Variants in VWC2 observed in about 807,000 individuals in gnomAD.
VWC2 encodes the protein von Willebrand factor C domain containing 2, also known as brorin.
In VWC2, 14 loss-of-function variants were observed where a neutral mutation model predicts 29.8. The observed-to-expected ratio is 0.47, with a 90% CI of 0.31 to 0.74. VWC2 has a LOEUF of 0.74. Ranked by LOEUF, VWC2 falls within the 30% of genes least tolerant of loss-of-function variation. The pLI, the probability that VWC2 is intolerant of heterozygous loss-of-function variation, is 0.05. For synonymous variants in VWC2, 213 were observed against 199.0 expected (o/e 1.07, Z -0.59); for missense variants, 457 against 459.8 (o/e 0.99, Z 0.05).
rs1364130388 is a variant in VWC2, at chr7:49,921,803, AT to A, written c.*9621del. 6.6e-6 allele frequency: 1 copy of A among 152,094 alleles called. No individual in the cohort carries two copies. Among genetic ancestry groups the A allele is most frequent in the Non-Finnish European group, 1.5e-5 (1 of 67,986 alleles). 9.4% of individuals were successfully genotyped at this position (152,094 alleles called of 1,614,324 possible). A position where few individuals can be genotyped will look rare whatever the true frequency, so the allele number is the denominator to read the frequency against. On this transcript the variant is annotated 3_prime_UTR_variant, in exon 4 of 4. Transcript: ENST00000340652. Reference sequence around the variant, plus strand: ...TAATTTATATCTTAGTTTTTATCCCATTTATATATATATTTACCAGAAAAAT... The same window carrying A: ...TAATTTATATCTTAGTTTTTATCCCATTATATATATATTTACCAGAAAAAT...
chr7:49,869,783 C>T (rs954706299), intron 3 of VWC2, among the ~76,000 whole-genome samples: 2 of 152,038 alleles, frequency 1.3e-5, no homozygotes, highest in Non-Finnish European at 2.9e-5. Flanking sequence ...TGGATGTGCA[C>T]GGCCACAAAC....
intron 3 of VWC2, among the ~76,000 whole-genome samples, chr7:49,837,024 TTTAAC>T (rs1789681165): frequency 6.6e-6 from 1 of 152,204 alleles, no homozygotes; most frequent in African/African-American, 2.4e-5. Flanking sequence ...GTCTTTGAAG[TTTAAC>T]TTATTTGATT....
chr7:49,881,529 T>A, intron 3 of VWC2, among the ~76,000 whole-genome samples: 1 of 152,176 alleles, frequency 6.6e-6, no homozygotes, highest in East Asian at 1.9e-4. Context: ...TTATTTGGGT[T>A]GAAACTAATC....
At chr7:49,785,792 T>C (rs915969832) in intron 2 of VWC2, among the ~76,000 whole-genome samples, 1 of 152,174 alleles carries the variant, frequency 6.6e-6, no homozygotes, top group Non-Finnish European at 1.5e-5. Context: ...GGAATGAGCC[T>C]AAAGAAAGAT....
intron 3 of VWC2, among the ~76,000 whole-genome samples, chr7:49,894,951 G>A (rs1205226646): frequency 6.6e-6 from 1 of 152,174 alleles, no homozygotes; most frequent in African/African-American, 2.4e-5. Context: ...TTTAAGGGAT[G>A]GAAGATGGCT....
At chr7:49,908,764 T>A (rs1180274136) in intron 3 of VWC2, among the ~76,000 whole-genome samples, 2 of 152,138 alleles carry the variant, frequency 1.3e-5, no homozygotes, top group African/African-American at 4.8e-5. Flanking sequence ...AAGCTTTTAG[T>A]GATTAAAGGA....
At chr7:49,866,759 G>T (rs1790909025) in intron 3 of VWC2, among the ~76,000 whole-genome samples, 1 of 152,190 alleles carries the variant, frequency 6.6e-6, no homozygotes, top group Admixed American at 6.5e-5. Context: ...TGGGTAGGCT[G>T]GAATTCTACA....
At chr7:49,906,356 A>AC (rs1718744183) in intron 3 of VWC2, among the ~76,000 whole-genome samples, 1 of 152,024 alleles carries the variant, frequency 6.6e-6, no homozygotes, top group African/African-American at 2.4e-5. Flanking sequence ...TTTTTTTGAG[A>AC]CAGAGTCTTG....
intron 3 of VWC2, among the ~76,000 whole-genome samples, chr7:49,824,186 T>G (rs1789337201): frequency 1.3e-5 from 2 of 152,202 alleles, no homozygotes; most frequent in South Asian, 4.1e-4. Flanking sequence ...TAATCCAAGG[T>G]CACAAGTTTC....
intron 3 of VWC2, among the ~76,000 whole-genome samples, chr7:49,852,944 G>A (rs903208509): frequency 2.0e-5 from 3 of 152,136 alleles, no homozygotes; most frequent in South Asian, 4.1e-4. Context: ...GAGAAGTTAG[G>A]CCTCCAAACA....
intron 3 of VWC2, among the ~76,000 whole-genome samples, chr7:49,889,412 G>A (rs193037873): frequency 6.6e-6 from 1 of 152,298 alleles, no homozygotes; most frequent in East Asian, 1.9e-4. Context: ...CCACATACTT[G>A]AAATTGTTAT....
chr7:49,800,937 T>C (rs922543554), intron 2 of VWC2, among the ~76,000 whole-genome samples: 6 of 151,642 alleles, frequency 4.0e-5, no homozygotes, highest in Non-Finnish European at 7.4e-5. Context: ...TACTTCAAGA[T>C]TGATTTTAAC....
At chr7:49,895,357 A>C (rs1183012602) in intron 3 of VWC2, among the ~76,000 whole-genome samples, 1 of 152,220 alleles carries the variant, frequency 6.6e-6, no homozygotes, top group Non-Finnish European at 1.5e-5. Flanking sequence ...GTTTCAATGT[A>C]CGAATTCCAG....
At chr7:49,888,179 T>TA (rs1791978825) in intron 3 of VWC2, among the ~76,000 whole-genome samples, 1 of 152,206 alleles carries the variant, frequency 6.6e-6, no homozygotes, top group Non-Finnish European at 1.5e-5. Context: ...CTGGACCTTT[T>TA]AAAAAATTTT....
At chr7:49,859,800 A>G (rs748594759) in intron 3 of VWC2, among the ~76,000 whole-genome samples, 11,498 of 129,068 alleles carry the variant, frequency 0.089, 482 homozygotes, top group African/African-American at 0.11. Flanking sequence ...GCACACACAC[A>G]CACACACACA....
chr7:49,915,500 T>A lies in VWC2; in HGVS notation c.*3315T>A, dbSNP rs764178399. 1.3e-5 allele frequency: 2 copies of A among 152,200 alleles called. No homozygotes were observed. Among genetic ancestry groups the A allele is most frequent in the Non-Finnish European group, 2.9e-5 (2 of 68,018 alleles). The allele number at this position is 152,200 out of a possible 1,614,324, so 9.4% of individuals were successfully genotyped here. ...CTCGTTCTCCAACATAAATGTTGCA[T>A]TTATATAAGGTTAAAAGTCCTAAAA... is the stretch of plus-strand genomic sequence containing the variant. On this transcript the variant is annotated 3_prime_UTR_variant, in exon 4 of 4. Coordinates refer to ENST00000340652, the MANE Select transcript of VWC2 (RefSeq NM_198570.5).
At chr7:49,813,465 C>T (rs747050300) in intron 3 of VWC2, among the ~76,000 whole-genome samples, 16 of 152,202 alleles carry the variant, frequency 1.1e-4, no homozygotes, top group Admixed American at 2.0e-4. Flanking sequence ...TCTTCTGTTG[C>T]TGTGTGCTTC....
intron 3 of VWC2, among the ~76,000 whole-genome samples, chr7:49,879,649 G>A (rs1055354486): frequency 3.3e-5 from 5 of 152,082 alleles, no homozygotes; most frequent in Admixed American, 6.6e-5. Flanking sequence ...CCAACTGGAA[G>A]GCCTTGTACT....
chr7:49,820,501 G>A (rs899091623), intron 3 of VWC2, among the ~76,000 whole-genome samples: 2 of 152,154 alleles, frequency 1.3e-5, no homozygotes, highest in African/African-American at 4.8e-5. Context: ...GAACTTTGTA[G>A]GGAATACAAA....
Sources: allele counts gnomAD v4.1 joint callset (sites outside exome capture counted in the v4.1 genomes callset), GRCh38; gene constraint gnomAD v4.1.1; transcripts MANE v1.5; gene names NCBI Gene and HGNC (gene_info 2026-07-23, HGNC 2026-07-21).